DUS3L: variants seen among roughly 807,000 people sequenced by gnomAD.
DUS3L encodes tRNA-dihydrouridine(47) synthase [NAD(P)(+)]-like.
Under a neutral mutation model 74.6 loss-of-function variants are expected in DUS3L, and 62 were observed. The observed-to-expected ratio is 0.83, with a 90% CI of 0.68 to 1.03. The LOEUF is 1.03. DUS3L is among the 50% of genes least tolerant of loss of function. The probability of loss-of-function intolerance (pLI) is 0.00; values close to 1 mark genes in which losing one functional copy is unlikely to be tolerated. For synonymous variants in DUS3L, 433 were observed against 395.7 expected, an observed-to-expected ratio of 1.09 and a Z score of -1.12; for missense variants, 884 against 924.4, an observed-to-expected ratio of 0.96 and a Z score of 0.57.
intron 5 of DUS3L, 49 bp downstream of exon 5, chr19:5,787,975 G>A (rs764961171): frequency 1.2e-6 from 2 of 1,600,260 alleles, no homozygotes; most frequent in Non-Finnish European, 8.5e-7. Context: ...CTCTGAGACA[G>A]GACGGCCGAG....
intron 5 of DUS3L, 26 bp from the exon 6 acceptor site, chr19:5,787,731 G>C (rs2056868040): frequency 1.2e-6 from 2 of 1,608,118 alleles, no homozygotes; most frequent in Non-Finnish European, 8.5e-7. Context: ...GGCAGAACAG[G>C]AGGGTGAGGG....
Position 5,786,839 on chromosome 19 carries a change from C to T in DUS3L, c.1396G>A (p.Gly466Ser), listed in dbSNP as rs2056847763. Reference sequence around the variant, plus strand: ...GTGTAGCGCTGCTCCCGAGAGCGGCCGTGGAGCTGGGGGAGAAGCCGCCAC... The same window carrying T: ...GTGTAGCGCTGCTCCCGAGAGCGGCTGTGGAGCTGGGGGAGAAGCCGCCAC... ...DWGVALVTLH[G>S]RSREQRYTKL... Residue 466 changes from glycine (G) to serine (S), a missense_variant, in exon 9 of 13, where the codon GGC (glycine) becomes AGC (serine). Coordinates refer to ENST00000309061, the MANE Select transcript of DUS3L (RefSeq NM_020175.3). 3.1e-6 allele frequency: 5 copies of T among 1,608,138 alleles called. No homozygotes were observed. Among genetic ancestry groups the T allele is most frequent in the Non-Finnish European group, 4.2e-6 (5 of 1,178,352 alleles).
rs202034781 is a variant in DUS3L, at chr19:5,789,342, G to A, written c.765C>T (p.Pro255=). The part of the protein sequence containing the change: ...VPEGTAAEGA[P]RQENCGAQQV... Reference sequence around the variant, plus strand: ...GCTGGGCACCACAGTTTTCCTGCCTGGGAGCGCCCTCGGCTGCCGTGCCCT... The same window carrying A: ...GCTGGGCACCACAGTTTTCCTGCCTAGGAGCGCCCTCGGCTGCCGTGCCCT... Residue 255 remains proline, a synonymous_variant, in exon 3 of 13, where the codon CCC becomes CCT. Transcript: ENST00000309061. 4.4e-6 allele frequency: 7 copies of A among 1,603,314 alleles called. No individual in the cohort carries two copies. The highest frequency in any genetic ancestry group is 1.7e-5 in the Admixed American group (1 of 58,390).
In DUS3L at chr19:5,787,734, G is replaced by A. The variant is rs962948098; in HGVS notation, c.1096-29C>T. The A allele has an allele frequency of 1.2e-5, 19 of 1,606,120 alleles. 1 individual carries two copies. The highest frequency in any genetic ancestry group is 1.1e-4 in the African/African-American group (8 of 74,820). Reference sequence around the variant, plus strand: ...TAGGTGGGTAGTGGCAGAACAGGAGGGTGAGGGGAGAGTCCGAACTGTCCC... The same window carrying A: ...TAGGTGGGTAGTGGCAGAACAGGAGAGTGAGGGGAGAGTCCGAACTGTCCC... On this transcript the variant is annotated intron_variant, in intron 5 of 12. Transcript: ENST00000309061.
intron 5 of DUS3L, 57 bp downstream of exon 5, chr19:5,787,967 C>CT: frequency 6.3e-7 from 1 of 1,595,732 alleles, no homozygotes; most frequent in East Asian, 2.2e-5. Flanking sequence ...GAACCTGGCT[C>CT]TGAGACAGGA....
intron 1 of DUS3L, 182 bp downstream of exon 1, chr19:5,790,862 C>T (rs372946353): frequency 4.9e-5 from 31 of 637,086 alleles, no homozygotes; most frequent in South Asian, 7.6e-5. Flanking sequence ...TGTGACAGGC[C>T]CCAACGTGCA....
chr19:5,791,112 T>C lies in DUS3L; in HGVS notation c.30A>G (p.Leu10=). The C allele has an allele frequency of 6.2e-7, 1 of 1,608,506 alleles. No individual in the cohort carries two copies. The highest frequency in any genetic ancestry group is 8.5e-7 in the Non-Finnish European group (1 of 1,177,986). Reference sequence around the variant, plus strand: ...CCGAGTCGCCACCACCACCATTCTCTAGAGGAGCCTCCGCCGTTCCCTCCG... The same window carrying C: ...CCGAGTCGCCACCACCACCATTCTCCAGAGGAGCCTCCGCCGTTCCCTCCG... The part of the protein sequence containing the change: MAEGTAEAP[L]ENGGGGDSGA... The change falls in exon 1 of 13, where the codon CTA becomes CTG. Residue 10 remains leucine, a synonymous_variant. Transcript: ENST00000309061.
rs2056897553 is a variant in DUS3L at position 5,790,315 on chromosome 19, T to G, written c.119A>C (p.Gln40Pro). The change falls in exon 2 of 13, where the codon CAG becomes CCG. Residue 40 changes from glutamine (Q) to proline (P), a missense_variant. Coordinates refer to ENST00000309061, the MANE Select transcript of DUS3L (RefSeq NM_020175.3). ...IKRQYLTTKE[Q>P]FHQFLEAKGQ... ...TTTGGCTTCCAGGAATTGGTGAAACTGCTCCTTGGTGGTGAGGTATCTGCC... is the reference window on the plus strand; with the variant it reads ...TTTGGCTTCCAGGAATTGGTGAAACGGCTCCTTGGTGGTGAGGTATCTGCC... 1 of 1,614,082 alleles carries G rather than the reference T, an allele frequency of 6.2e-7. No individual in the cohort carries two copies. Among genetic ancestry groups the G allele is most frequent in the East Asian group, 2.2e-5 (1 of 44,874 alleles).
intron 4 of DUS3L, 65 bp from the exon 5 acceptor site, chr19:5,788,241 A>T: frequency 3.1e-6 from 5 of 1,608,036 alleles, no homozygotes; most frequent in Non-Finnish European, 4.3e-6. Flanking sequence ...ACACAGCAGA[A>T]CCCTGAATAT....
chr19:5,786,681 G>A (rs542105916), intron 9 of DUS3L, 68 bp downstream of exon 9: 17 of 1,579,528 alleles, frequency 1.1e-5, no homozygotes, highest in East Asian at 4.5e-5. Flanking sequence ...GTGGGAAGGC[G>A]AACAGCCCAG....
chr19:5,788,239 G>A (rs532804755), intron 4 of DUS3L, 63 bp from the exon 5 acceptor site: 23 of 1,596,050 alleles, frequency 1.4e-5, no homozygotes, highest in Middle Eastern at 1.7e-4. Context: ...ACACACAGCA[G>A]AACCCTGAAT....
chr19:5,785,337 C>T, intron 12 of DUS3L, 46 bp downstream of exon 12: 1 of 1,607,192 alleles, frequency 6.2e-7, no homozygotes, highest in Non-Finnish European at 8.5e-7. Context: ...CCTCCGTGAC[C>T]CCGGGCCCCC....
Position 5,786,840 on chromosome 19 carries a change from G to A in DUS3L, c.1395C>T (p.His465=), listed in dbSNP as rs777048337. The part of the protein sequence containing the change: ...RDWGVALVTL[H]GRSREQRYTK... ...TGTAGCGCTGCTCCCGAGAGCGGCC[G>A]TGGAGCTGGGGGAGAAGCCGCCACG... Residue 465 remains histidine (H), a synonymous_variant, in exon 9 of 13, where the codon CAC becomes CAT. Coordinates refer to ENST00000309061, the MANE Select transcript of DUS3L (RefSeq NM_020175.3). 19 of 1,607,926 alleles carry A rather than the reference G, an allele frequency of 1.2e-5. No homozygotes were observed. The highest frequency in any genetic ancestry group is 6.7e-5 in the East Asian group (3 of 44,746).
chr19:5,786,945 G>GCGGA, intron 8 of DUS3L, 100 bp from the exon 9 acceptor site: 1 of 1,495,172 alleles, frequency 6.7e-7, no homozygotes, highest in Non-Finnish European at 8.9e-7. Flanking sequence ...AGAGACACAG[G>GCGGA]CGGAGACAGA....
rs146880736 is a variant in DUS3L at position 5,790,250 on chromosome 19, G to A, written c.184C>T (p.Pro62Ser). Residue 62 changes from proline (P) to serine (S), a missense_variant, in exon 2 of 13, where the codon CCT (proline) becomes TCT (serine). Physicochemically the swap from Pro to Ser is moderately conservative, Grantham distance 74 (BLOSUM62 -1). Transcript: ENST00000309061. ...KTCRETEVGD[P>S]AGNELAEPEA... ...GGCTCAGCCAGCTCATTGCCAGCAG[G>A]GTCTCCTACCTCGGTTTCCCGGCAA... is the stretch of plus-strand genomic sequence containing the variant. The A allele has an allele frequency of 4.8e-5, 78 of 1,614,116 alleles. No individual in the cohort carries two copies. In the African/African-American group the frequency reaches 8.0e-4, roughly 17 times the overall value.
chr19:5,789,892 C>T (rs566937950), intron 2 of DUS3L, 155 bp downstream of exon 2: 1 of 1,309,620 alleles, frequency 7.6e-7, no homozygotes, highest in Non-Finnish European at 1.0e-6. Flanking sequence ...ACAAGCCCTA[C>T]AATGTATCCC....
intron 10 of DUS3L, 78 bp downstream of exon 10, chr19:5,786,389 G>C: frequency 1.4e-6 from 2 of 1,405,460 alleles, no homozygotes; most frequent in Admixed American, 3.6e-5. Context: ...CACAGAACAG[G>C]GGTGGGTGAC....
At position 5,785,282 on chromosome 19, in the gene DUS3L, G is replaced by C. The variant is rs749068351; in HGVS notation, c.1881-7C>G. ...TGGCCCAAGGAGCATCTCGCTGTGG[G>C]AGAGCAGGTGGAAAGCGAGGTCAGG... On this transcript the variant is annotated splice_polypyrimidine_tract_variant and splice_region_variant and intron_variant, in intron 12 of 12. Transcript: ENST00000309061. The C allele has an allele frequency of 6.2e-7, 1 of 1,611,026 alleles. No homozygotes were observed. The highest frequency in any genetic ancestry group is 8.5e-7 in the Non-Finnish European group (1 of 1,179,324).
chr19:5,788,659 C>T (rs2056878483), intron 3 of DUS3L, among the ~76,000 whole-genome samples: 1 of 152,096 alleles, frequency 6.6e-6, no homozygotes, highest in African/African-American at 2.4e-5. Context: ...ACATTTGTCC[C>T]CCGCTGCCCG....
Sources: allele counts gnomAD v4.1 joint callset (sites outside exome capture counted in the v4.1 genomes callset), GRCh38; gene constraint gnomAD v4.1.1; transcripts MANE v1.5; gene names NCBI Gene and HGNC (gene_info 2026-07-23, HGNC 2026-07-21).